COL14A1: variants seen among roughly 807,000 people sequenced by gnomAD.
COL14A1 encodes collagen alpha-1(XIV) chain.
In COL14A1, 136 loss-of-function variants were observed where a neutral mutation model predicts 230.3. The ratio of observed to expected loss-of-function variants is 0.59; its 90% confidence interval spans 0.51 to 0.68. COL14A1 has a LOEUF of 0.68. Ranked by LOEUF, COL14A1 falls within the 30% of genes least tolerant of loss-of-function variation. COL14A1 has a pLI of 0.00. For missense variants in COL14A1, 1,976 were observed against 2,215.8 expected, an observed-to-expected ratio of 0.89 and a Z score of 2.17; for synonymous variants, 792 against 784.1, an observed-to-expected ratio of 1.01 and a Z score of -0.17.
rs941894106 is a variant in COL14A1, at chr8:120,341,221, T to G, written c.4786-104T>G. 8 of 1,111,684 alleles carry G rather than the reference T, an allele frequency of 7.2e-6. No homozygotes were observed. The Admixed American group carries it at 1.2e-4, about 17-fold the overall frequency. The allele number at this position is 1,111,684 out of a possible 1,614,324, so 68.9% of individuals were successfully genotyped here. ...GTAATGATTTTTGCTGCAGAATTAC[T>G]GGTGCTAAGAAAAATGTCTTAATAA... On this transcript the variant is annotated intron_variant, in intron 42 of 47. Transcript: ENST00000297848.
chr8:120,214,245 C>A (rs1817688044), intron 13 of COL14A1, among the ~76,000 whole-genome samples: 1 of 152,176 alleles, frequency 6.6e-6, no homozygotes, highest in Non-Finnish European at 1.5e-5. Context: ...AATTGCTCTT[C>A]TGTTCCTAGT....
intron 24 of COL14A1, among the ~76,000 whole-genome samples, chr8:120,265,113 A>G (rs540293583): frequency 6.6e-6 from 1 of 152,246 alleles, no homozygotes; most frequent in African/African-American, 2.4e-5. Flanking sequence ...GACAGGGACA[A>G]TCTGTATGCC....
chr8:120,192,274 TTAAAG>T (rs1816853170), intron 5 of COL14A1, among the ~76,000 whole-genome samples: 1 of 152,130 alleles, frequency 6.6e-6, no homozygotes. Flanking sequence ...TTGCTTGTCT[TTAAAG>T]TATTTTATTT....
intron 16 of COL14A1, 21 bp downstream of exon 16, chr8:120,226,787 T>A (rs760557608): frequency 5.0e-6 from 8 of 1,609,216 alleles, no homozygotes; most frequent in Non-Finnish European, 6.8e-6. Flanking sequence ...TGAAACAGAC[T>A]GAAAATTAAT....
In COL14A1 at chr8:120,345,572, G is replaced by C. The variant is rs1586884428; in HGVS notation, c.5077+9G>C. The C allele has an allele frequency of 6.6e-7, 1 of 1,522,214 alleles. No individual in the cohort carries two copies. Among genetic ancestry groups the C allele is most frequent in the East Asian group, 2.5e-5 (1 of 40,328 alleles). 94.3% of individuals were successfully genotyped at this position (1,522,214 alleles called of 1,614,324 possible). ...GACCCCAGGAGAACGAGGTAAGCTG[G>C]GCCCCTTCTCTCAGAGGAACTCCTC... On this transcript the variant is annotated intron_variant, in intron 45 of 47. Transcript: ENST00000297848.
chr8:120,165,026 A>G (rs1476642730), intron 4 of COL14A1, among the ~76,000 whole-genome samples: 1 of 152,260 alleles, frequency 6.6e-6, no homozygotes, highest in Non-Finnish European at 1.5e-5. Flanking sequence ...AGATAGCTGT[A>G]GAGAAACAAT....
chr8:120,152,551 C>A (rs1815325879), intron 2 of COL14A1, among the ~76,000 whole-genome samples: 1 of 150,414 alleles, frequency 6.6e-6, no homozygotes, highest in African/African-American at 2.4e-5. Flanking sequence ...ATGTGCTTTA[C>A]CATTTAGTCT....
At chr8:120,152,432 T>C (rs1156733094) in intron 2 of COL14A1, among the ~76,000 whole-genome samples, 2 of 124,514 alleles carry the variant, frequency 1.6e-5, no homozygotes, top group South Asian at 5.1e-4. Context: ...ATCGCACCAC[T>C]GCACTCCAGC....
chr8:120,304,510 G>A (rs1820803084), intron 36 of COL14A1, among the ~76,000 whole-genome samples: 1 of 151,998 alleles, frequency 6.6e-6, no homozygotes. Context: ...TATATCCTGA[G>A]ATTATGTTAA....
chr8:120,277,937 T>C (rs1819904089), intron 26 of COL14A1, 174 bp from the exon 27 acceptor site: 1 of 524,582 alleles, frequency 1.9e-6, no homozygotes, highest in Admixed American at 3.1e-5. Context: ...AGAAAAGATG[T>C]ATTTAATTTG....
intron 31 of COL14A1, among the ~76,000 whole-genome samples, chr8:120,281,547 A>G (rs185528314): frequency 3.7e-4 from 54 of 147,884 alleles, no homozygotes; most frequent in African/African-American, 1.3e-3. Context: ...TCTTGGTGAA[A>G]GAGCAAGACC....
chr8:120,186,537 T>C (rs1264137654), intron 5 of COL14A1, among the ~76,000 whole-genome samples: 1 of 152,056 alleles, frequency 6.6e-6, no homozygotes, highest in African/African-American at 2.4e-5. Flanking sequence ...TAAGACAGGG[T>C]GAATAAAAAT....
intron 31 of COL14A1, among the ~76,000 whole-genome samples, 164 bp downstream of exon 31, chr8:120,281,223 A>C (rs1820027738): frequency 1.3e-5 from 2 of 152,150 alleles, no homozygotes; most frequent in Non-Finnish European, 2.9e-5. Flanking sequence ...CCAGACTCAC[A>C]CATAATGCGG....
chr8:120,320,696 G>A (rs563804269), intron 40 of COL14A1, among the ~76,000 whole-genome samples: 1 of 152,244 alleles, frequency 6.6e-6, no homozygotes, highest in Admixed American at 6.5e-5. Flanking sequence ...CAAAACTAGT[G>A]GAGGGAATAA....
chr8:120,141,578 GT>G (rs1382279362), intron 1 of COL14A1, among the ~76,000 whole-genome samples: 2 of 151,978 alleles, frequency 1.3e-5, no homozygotes, highest in African/African-American at 4.8e-5. Flanking sequence ...GAAAAAAAGG[GT>G]TTTAAAGATA....
chr8:120,247,690 T>C lies in COL14A1; in HGVS notation c.2557T>C (p.Ser853Pro), dbSNP rs372536956. 3 of 1,614,042 alleles carry C rather than the reference T, an allele frequency of 1.9e-6. No individual in the cohort carries two copies. The African/African-American group carries it at 4.0e-5, about 22-fold the overall frequency. Residue 853 changes from serine (S) to proline (P), a missense_variant, in exon 21 of 48, where the codon TCT becomes CCT. Ser to Pro is a moderately conservative substitution (Grantham distance 74). Coordinates refer to ENST00000297848, the MANE Select transcript of COL14A1 (RefSeq NM_021110.4). ...NRLRITWDPPSSPVKGYRIVY... is the reference protein window; with the variant it reads ...NRLRITWDPPPSPVKGYRIVY... ...GTTGCGCATTACGTGGGACCCCCCATCTTCCCCGGTGAAAGGCTATAGAAT... is the reference window on the plus strand; with the variant it reads ...GTTGCGCATTACGTGGGACCCCCCACCTTCCCCGGTGAAAGGCTATAGAAT...
chr8:120,350,068 TG>T (rs1184696340), intron 45 of COL14A1, among the ~76,000 whole-genome samples: 1 of 146,308 alleles, frequency 6.8e-6, no homozygotes, highest in Non-Finnish European at 1.5e-5. Context: ...CAGAAGAGAG[TG>T]GGGGCCAATA....
At chr8:120,263,056 C>A in intron 24 of COL14A1, 42 bp downstream of exon 24, 1 of 1,521,824 alleles carries the variant, frequency 6.6e-7, no homozygotes, top group Non-Finnish European at 8.8e-7. Context: ...TCCCCATGAA[C>A]AAACAGAATT....
rs1200638496 is a variant in COL14A1, at chr8:120,158,235, C to T, written c.194C>T (p.Thr65Ile). 3.2e-6 allele frequency: 5 copies of T among 1,581,504 alleles called. No homozygotes were observed. The East Asian group carries it at 9.0e-5, about 28-fold the overall frequency. The change falls in exon 3 of 48, where the codon ACT (threonine) becomes ATT (isoleucine). Residue 65 changes from threonine (T) to isoleucine (I), a missense_variant. Thr to Ile is a moderately conservative substitution (Grantham distance 89). Transcript: ENST00000297848. ...TTTGGTGGTTACAAACTTCTTGTGA[C>T]TCCAACTTCAGGTAAAAACAATTGA... ...GKFGGYKLLV[T>I]PTSGGKTNQL... is the part of the protein sequence containing the mutation.
Sources: gnomAD v4.1 joint callset for allele counts (sites outside exome capture counted in the v4.1 genomes callset) on GRCh38, gnomAD v4.1.1 for gene constraint, MANE v1.5 for transcripts, NCBI Gene and HGNC (gene_info 2026-07-23, HGNC 2026-07-21) for gene names.